The following DCC variants were observed in gnomAD, a reference collection of about 807,000 sequenced individuals.
The protein encoded by DCC is netrin receptor DCC.
A neutral mutation model predicts 172.5 loss-of-function variants in DCC; 58 were observed. The observed-to-expected ratio is 0.34, with a 90% CI of 0.27 to 0.42. The LOEUF (loss-of-function observed/expected upper bound fraction) is 0.42, where lower values mean the gene tolerates loss of function less well. Among genes scored for constraint, DCC ranks in the 10% least tolerant of loss-of-function variants. The pLI, the probability that DCC is intolerant of heterozygous loss-of-function variation, is 1.00. For synonymous variants in DCC, 709 were observed against 644.5 expected (o/e 1.10, Z -1.52); for missense variants, 1,740 against 1,791.0 (o/e 0.97, Z 0.51).
At chr18:53,273,299 G>T (rs985415549) in intron 12 of DCC, among the ~76,000 whole-genome samples, 2 of 151,922 alleles carry the variant, frequency 1.3e-5, no homozygotes, top group African/African-American at 4.8e-5. Flanking sequence ...AGTCAATGAG[G>T]TTTGTCCTCT....
intron 7 of DCC, among the ~76,000 whole-genome samples, chr18:53,152,572 T>C (rs11877180): frequency 0.15 from 17,123 of 117,152 alleles, 1,090 homozygotes; most frequent in African/African-American, 0.18. Context: ...TTTTTAAAGA[T>C]GTTCTTAAAA....
intron 9 of DCC, among the ~76,000 whole-genome samples, chr18:53,203,338 A>T (rs1392876688): frequency 6.6e-6 from 1 of 151,974 alleles, no homozygotes; most frequent in Admixed American, 6.6e-5. Context: ...TGGCTGTTCT[A>T]TGCACTATCC....
chr18:52,675,706 G>T (rs987519294), intron 1 of DCC, among the ~76,000 whole-genome samples: 1 of 152,198 alleles, frequency 6.6e-6, no homozygotes, highest in African/African-American at 2.4e-5. Context: ...TAAAGCAGGA[G>T]ATCCTACTTT....
At chr18:52,397,238 G>A (rs1011142882) in intron 1 of DCC, among the ~76,000 whole-genome samples, 4 of 151,984 alleles carry the variant, frequency 2.6e-5, no homozygotes, top group African/African-American at 4.8e-5. Context: ...ATATTCTGGG[G>A]AAGAGCTCCC....
intron 1 of DCC, among the ~76,000 whole-genome samples, chr18:52,471,964 C>T (rs1225559587): frequency 6.6e-6 from 1 of 152,198 alleles, no homozygotes; most frequent in Admixed American, 6.5e-5. Flanking sequence ...AATGACCTCA[C>T]TGCTTCATGA....
chr18:52,886,662 A>T (rs1005422375), intron 2 of DCC, among the ~76,000 whole-genome samples: 1 of 152,090 alleles, frequency 6.6e-6, no homozygotes, highest in Non-Finnish European at 1.5e-5. Context: ...CTCTGCTGGG[A>T]AAAGGGGGAG....
intron 7 of DCC, among the ~76,000 whole-genome samples, chr18:53,111,364 C>T (rs1211861571): frequency 2.0e-5 from 3 of 148,804 alleles, no homozygotes; most frequent in Admixed American, 6.7e-5. Flanking sequence ...CTAACCTGCA[C>T]ATTGTGCACA....
chr18:52,568,876 T>G (rs2033227408), intron 1 of DCC, among the ~76,000 whole-genome samples: 1 of 152,180 alleles, frequency 6.6e-6, no homozygotes. Flanking sequence ...TTATTCCAAT[T>G]TATTACAGTT....
rs1352211752 is a variant in DCC, at chr18:53,351,380, T to C, written c.2359+11473T>C. On this transcript the variant is annotated intron_variant, in intron 15 of 28. Coordinates refer to ENST00000442544, the MANE Select transcript of DCC (RefSeq NM_005215.4). The stretch of plus-strand genomic sequence containing the variant: ...TATATATATATACTGTATATATATA[T>C]ACAGTATATATATATACAGTGTATA... 2.3e-3 allele frequency among the ~76,000 whole-genome samples: 146 copies of C among 62,654 alleles called. 6 individuals are homozygous for C. The highest frequency in any genetic ancestry group is 9.3e-3 in the African/African-American group (135 of 14,572). The allele number at this position is 62,654 out of a possible 152,430, so 41.1% of individuals were successfully genotyped here.
chr18:52,356,544 G>A (rs1402868628), intron 1 of DCC, among the ~76,000 whole-genome samples: 1 of 152,048 alleles, frequency 6.6e-6, no homozygotes, highest in Non-Finnish European at 1.5e-5. Context: ...AGTCATATGA[G>A]GTTATGATAA....
At chr18:52,629,739 AGGC>A (rs1324179022) in intron 1 of DCC, among the ~76,000 whole-genome samples, 1 of 152,016 alleles carries the variant, frequency 6.6e-6, no homozygotes, top group East Asian at 1.9e-4. Context: ...TCACGAGGTC[AGGC>A]GATCGAGACC....
intron 5 of DCC, among the ~76,000 whole-genome samples, chr18:52,995,660 T>G (rs2041466308): frequency 6.6e-6 from 1 of 152,038 alleles, no homozygotes; most frequent in Admixed American, 6.6e-5. Flanking sequence ...GAATGGTGTC[T>G]CCAGCCTCCT....
At chr18:53,310,193 G>A (rs535675195) in intron 13 of DCC, among the ~76,000 whole-genome samples, 6 of 152,042 alleles carry the variant, frequency 3.9e-5, no homozygotes, top group African/African-American at 1.4e-4. Context: ...CTACATACTT[G>A]TAGATTGGCT....
chr18:52,997,869 C>A (rs879848585), intron 5 of DCC, among the ~76,000 whole-genome samples: 17 of 151,956 alleles, frequency 1.1e-4, no homozygotes, highest in Admixed American at 9.8e-4. Flanking sequence ...CCCCTTGTCA[C>A]CTGGCAAATT....
chr18:52,829,976 T>C (rs1243412731), intron 2 of DCC, among the ~76,000 whole-genome samples: 1 of 152,036 alleles, frequency 6.6e-6, no homozygotes, highest in African/African-American at 2.4e-5. Flanking sequence ...TGAGTGAAGA[T>C]CTGCAGGAAG....
At chr18:52,824,472 A>T (rs1479804490) in intron 2 of DCC, among the ~76,000 whole-genome samples, 1 of 152,130 alleles carries the variant, frequency 6.6e-6, no homozygotes, top group Non-Finnish European at 1.5e-5. Flanking sequence ...AAACATCTTG[A>T]TGGCTTTAAA....
intron 17 of DCC, among the ~76,000 whole-genome samples, chr18:53,392,165 A>G (rs539053648): frequency 5.5e-4 from 84 of 152,098 alleles, no homozygotes; most frequent in African/African-American, 2.0e-3. Flanking sequence ...TCTGTGCAAG[A>G]GAATGCCATT....
chr18:52,913,599 GT>G (rs1393894665), intron 3 of DCC, among the ~76,000 whole-genome samples: 3 of 151,870 alleles, frequency 2.0e-5, no homozygotes, highest in Non-Finnish European at 4.4e-5. Context: ...TTTCCTGTAA[GT>G]TCAAAAGCAA....
intron 27 of DCC, among the ~76,000 whole-genome samples, chr18:53,516,804 G>C (rs1171031006): frequency 1.3e-4 from 18 of 143,536 alleles, no homozygotes; most frequent in South Asian, 2.1e-4. Flanking sequence ...AACAACAGGT[G>C]CTGGAGAGGA....
Sources: allele counts gnomAD v4.1 joint callset (sites outside exome capture counted in the v4.1 genomes callset), GRCh38; gene constraint gnomAD v4.1.1; transcripts MANE v1.5; gene names NCBI Gene and HGNC (gene_info 2026-07-23, HGNC 2026-07-21).